The following GALNT3 variants were observed in gnomAD, a reference collection of about 807,000 sequenced individuals.
GALNT3 encodes GalNAc transferase 3.
GALNT3 carries 51 observed loss-of-function variants against 69.8 expected under a neutral mutation model. The ratio of observed to expected loss-of-function variants is 0.73; its 90% CI spans 0.58 to 0.92. The LOEUF is 0.92. Among genes scored for constraint, GALNT3 ranks in the 40% least tolerant of loss-of-function variants. The pLI is 0.00. For missense variants in GALNT3, 711 were observed against 760.0 expected (o/e 0.94, Z 0.76); for synonymous variants, 265 against 248.5 (o/e 1.07, Z -0.63).
At chr2:165,778,910 G>A (rs1334419123) in intron 1 of GALNT3, among the ~76,000 whole-genome samples, 3 of 109,818 alleles carry the variant, frequency 2.7e-5, no homozygotes, top group East Asian at 2.8e-4. Context: ...TGGCTCCCTA[G>A]ACACCCAGTC....
chr2:165,774,906 TC>T, intron 1 of GALNT3, among the ~76,000 whole-genome samples: 1 of 131,326 alleles, frequency 7.6e-6, no homozygotes. Context: ...CTTCTTCTTC[TC>T]TCTTTTTTTT....
At chr2:165,756,917 C>A in intron 7 of GALNT3, 130 bp downstream of exon 7, 1 of 697,186 alleles carries the variant, frequency 1.4e-6, no homozygotes, top group South Asian at 1.7e-5. Context: ...ATTCATAAGT[C>A]ATGTACTTTA....
At chr2:165,760,438 T>C (rs572032071) in intron 4 of GALNT3, among the ~76,000 whole-genome samples, 1 of 152,232 alleles carries the variant, frequency 6.6e-6, no homozygotes, top group South Asian at 2.1e-4. Context: ...GCATGTGCTG[T>C]CCTATTCTGG....
intron 3 of GALNT3, among the ~76,000 whole-genome samples, chr2:165,762,584 C>T (rs938460633): frequency 4.6e-5 from 7 of 152,114 alleles, no homozygotes; most frequent in Non-Finnish European, 8.8e-5. Context: ...CAGTTTGGGA[C>T]GATTCCTACA....
intron 10 of GALNT3, among the ~76,000 whole-genome samples, chr2:165,749,263 T>C (rs1197980351): frequency 1.3e-5 from 2 of 152,104 alleles, no homozygotes; most frequent in South Asian, 2.1e-4. Context: ...CAGGTAAGAA[T>C]TGCTATGATA....
At chr2:165,783,589 T>C (rs187560284) in intron 1 of GALNT3, among the ~76,000 whole-genome samples, 3 of 152,334 alleles carry the variant, frequency 2.0e-5, no homozygotes, top group African/African-American at 7.2e-5. Flanking sequence ...CAAATTTTTT[T>C]TTGCTTTGCT....
chr2:165,754,697 T>G lies in GALNT3; in HGVS notation c.1556A>C (p.Asp519Ala). Reference protein sequence around the residue: ...IKSVGQPLCLDVGENNQGGKP... With the variant: ...IKSVGQPLCLAVGENNQGGKP... ...GCCTCCTTGATTGTTTTCTCCAACA[T>G]CCAGACATAGAGGCTGACCAACGCT... Residue 519 changes from aspartate (D) to alanine (A), a missense_variant, in exon 9 of 11, where the codon GAT (aspartate) becomes GCT (alanine). Physicochemically the swap from Asp to Ala is moderately radical, Grantham distance 126. Transcript: ENST00000392701. 6.2e-7 allele frequency: 1 copy of G among 1,613,518 alleles called. No homozygotes were observed. Among genetic ancestry groups the G allele is most frequent in the African/African-American group, 1.3e-5 (1 of 74,976 alleles).
At chr2:165,783,189 T>G (rs1400073074) in intron 1 of GALNT3, among the ~76,000 whole-genome samples, 7 of 152,170 alleles carry the variant, frequency 4.6e-5, no homozygotes, top group African/African-American at 1.7e-4. Flanking sequence ...CAGGCACAGA[T>G]TTTTTCATGG....
chr2:165,770,125 C>G (rs755236349), intron 2 of GALNT3, 61 bp downstream of exon 2: 7 of 1,593,496 alleles, frequency 4.4e-6, no homozygotes, highest in Non-Finnish European at 6.0e-6. Context: ...CCTTAGCTCA[C>G]CCCTCTCTCC....
intron 9 of GALNT3, among the ~76,000 whole-genome samples, chr2:165,750,871 G>A (rs1688346415): frequency 6.6e-6 from 1 of 152,046 alleles, no homozygotes; most frequent in Non-Finnish European, 1.5e-5. Flanking sequence ...CCTCTGCCTG[G>A]AATACACTTT....
chr2:165,759,850 G>C (rs1282820626), intron 4 of GALNT3, among the ~76,000 whole-genome samples: 1 of 152,082 alleles, frequency 6.6e-6, no homozygotes, highest in African/African-American at 2.4e-5. Context: ...TCGGCTTATG[G>C]AGCGGGTGGT....
At chr2:165,764,593 A>T (rs991985233) in intron 3 of GALNT3, among the ~76,000 whole-genome samples, 1 of 152,230 alleles carries the variant, frequency 6.6e-6, no homozygotes, top group Non-Finnish European at 1.5e-5. Flanking sequence ...ATTCAAATCA[A>T]GGCAGCCTGA....
At chr2:165,776,667 T>C (rs1251385634) in intron 1 of GALNT3, among the ~76,000 whole-genome samples, 1 of 152,208 alleles carries the variant, frequency 6.6e-6, no homozygotes, top group East Asian at 1.9e-4. Context: ...GGTATATATG[T>C]AGCCATTGCA....
rs1304279059 is a variant in GALNT3, at chr2:165,759,691, A to G, written c.839-121T>C. 9 of 724,236 alleles carry G rather than the reference A, an allele frequency of 1.2e-5. No homozygotes were observed. The Admixed American group carries it at 1.5e-4, about 12-fold the overall frequency. 44.9% of individuals were successfully genotyped at this position (724,236 alleles called of 1,614,324 possible). A position where few individuals can be genotyped will look rare whatever the true frequency, so the allele number is the denominator to read the frequency against. Reference sequence around the variant, plus strand: ...GAGTCAATTTGTGTTTTGAACATGTATATAATGGAGATTTCTTTCTTCCTC... The same window carrying G: ...GAGTCAATTTGTGTTTTGAACATGTGTATAATGGAGATTTCTTTCTTCCTC... On this transcript the variant is annotated intron_variant, in intron 4 of 10. Coordinates refer to ENST00000392701, the MANE Select transcript of GALNT3 (RefSeq NM_004482.4).
At chr2:165,779,592 A>T (rs986126108) in intron 1 of GALNT3, among the ~76,000 whole-genome samples, 1 of 152,192 alleles carries the variant, frequency 6.6e-6, no homozygotes. Flanking sequence ...CAGTCCCACT[A>T]AATATTCTGT....
chr2:165,785,639 C>A (rs111554792), intron 1 of GALNT3, among the ~76,000 whole-genome samples: 2 of 152,166 alleles, frequency 1.3e-5, no homozygotes, highest in Admixed American at 6.5e-5. Flanking sequence ...CATTTTCCAG[C>A]AAGCTAGTGG....
At chr2:165,791,920 A>C (rs753388112) in intron 1 of GALNT3, among the ~76,000 whole-genome samples, 1 of 152,198 alleles carries the variant, frequency 6.6e-6, no homozygotes, top group East Asian at 1.9e-4. Context: ...GAGTGAAGAA[A>C]GAGCAATGGA....
intron 1 of GALNT3, among the ~76,000 whole-genome samples, chr2:165,791,005 TATC>T (rs1683335810): frequency 6.6e-6 from 1 of 152,122 alleles, no homozygotes; most frequent in Non-Finnish European, 1.5e-5. Context: ...ACTGAATTCT[TATC>T]ATCAAAATCC....
chr2:165,776,427 C>T (rs926641254), intron 1 of GALNT3, among the ~76,000 whole-genome samples: 3 of 152,080 alleles, frequency 2.0e-5, no homozygotes, highest in African/African-American at 7.2e-5. Flanking sequence ...TCTTCTTGTA[C>T]TCTTTCTAAA....
Sources: gnomAD v4.1 joint callset for allele counts (sites outside exome capture counted in the v4.1 genomes callset) on GRCh38, gnomAD v4.1.1 for gene constraint, MANE v1.5 for transcripts, NCBI Gene and HGNC (gene_info 2026-07-23, HGNC 2026-07-21) for gene names.